SBF2: variants seen among roughly 807,000 people sequenced by gnomAD.
The protein encoded by SBF2 is SET binding factor 2, also known as myotubularin-related protein 13.
SBF2 carries 112 observed loss-of-function variants against 225.2 expected under a neutral mutation model. That is an observed-to-expected ratio of 0.50 (90% CI 0.43 to 0.58). The LOEUF is 0.58. Among genes scored for constraint, SBF2 ranks in the 20% least tolerant of loss-of-function variants. SBF2 has a pLI of 0.00. For synonymous variants in SBF2, 763 were observed against 773.3 expected (o/e 0.99, Z 0.22); for missense variants, 1,996 against 2,206.2 (o/e 0.90, Z 1.91).
intron 1 of SBF2, among the ~76,000 whole-genome samples, chr11:10,213,032 A>G (rs1209158193): frequency 6.6e-6 from 1 of 150,378 alleles, no homozygotes; most frequent in Non-Finnish European, 1.5e-5. Flanking sequence ...TTGGCGACAG[A>G]GCAAGACTCT....
At chr11:9,970,797 T>C (rs1867281273) in intron 13 of SBF2, among the ~76,000 whole-genome samples, 1 of 152,178 alleles carries the variant, frequency 6.6e-6, no homozygotes, top group Non-Finnish European at 1.5e-5. Flanking sequence ...CCAAAGCAGC[T>C]CTCATACATG....
At chr11:9,790,843 G>A (rs2133862083) in intron 33 of SBF2, 160 bp from the exon 34 acceptor site, 1 of 573,650 alleles carries the variant, frequency 1.7e-6, no homozygotes, top group African/African-American at 1.9e-5. Flanking sequence ...CAAAGCTAAA[G>A]ACCGGAATGA....
intron 16 of SBF2, among the ~76,000 whole-genome samples, chr11:9,921,064 CTTTTTTTTTT>C (rs34959264): frequency 5.8e-5 from 5 of 85,896 alleles, no homozygotes; most frequent in African/African-American, 1.9e-4. Flanking sequence ...CTGAAAACTT[CTTTTTTTTTT>C]TTTTTTTTTT....
intron 2 of SBF2, among the ~76,000 whole-genome samples, chr11:10,154,471 A>G (rs1046153831): frequency 6.6e-6 from 1 of 152,088 alleles, no homozygotes; most frequent in East Asian, 1.9e-4. Flanking sequence ...AATTTCAGTT[A>G]TCATACTTTT....
intron 17 of SBF2, among the ~76,000 whole-genome samples, chr11:9,870,484 A>T (rs1193313054): frequency 6.6e-6 from 1 of 152,248 alleles, no homozygotes; most frequent in Non-Finnish European, 1.5e-5. Flanking sequence ...CCCAAACAGC[A>T]TGGTATTGGT....
intron 18 of SBF2, among the ~76,000 whole-genome samples, chr11:9,857,937 T>C (rs1186708836): frequency 6.6e-6 from 1 of 152,226 alleles, no homozygotes; most frequent in Non-Finnish European, 1.5e-5. Flanking sequence ...GTATGCCTGT[T>C]ATTTTAGGTT....
At chr11:9,834,340 C>T (rs1278768035) in intron 26 of SBF2, among the ~76,000 whole-genome samples, 1 of 152,270 alleles carries the variant, frequency 6.6e-6, no homozygotes, top group Non-Finnish European at 1.5e-5. Flanking sequence ...GATCTGCCCG[C>T]CTCGGCCTCC....
At chr11:9,905,525 C>G in intron 16 of SBF2, among the ~76,000 whole-genome samples, 1 of 152,168 alleles carries the variant, frequency 6.6e-6, no homozygotes, top group Non-Finnish European at 1.5e-5. Flanking sequence ...ACTCAGGAAT[C>G]TCTTTATCCC....
intron 2 of SBF2, among the ~76,000 whole-genome samples, chr11:10,147,265 A>T (rs73412887): frequency 0.011 from 1,688 of 152,234 alleles, 38 homozygotes; most frequent in African/African-American, 0.038. Flanking sequence ...AGACACATGC[A>T]CCCATATGTT....
intron 13 of SBF2, among the ~76,000 whole-genome samples, chr11:9,989,055 T>TGCACATATAC (rs1947309483): frequency 7.0e-6 from 1 of 142,630 alleles, no homozygotes; most frequent in Non-Finnish European, 1.6e-5. Context: ...TATATATATA[T>TGCACATATAC]ACATATGCAT....
chr11:10,153,979 G>A (rs1955347723), intron 2 of SBF2, among the ~76,000 whole-genome samples: 1 of 151,942 alleles, frequency 6.6e-6, no homozygotes, highest in Non-Finnish European at 1.5e-5. Flanking sequence ...GTCCATATAT[G>A]TATGGGTCTA....
At chr11:10,032,024 G>A (rs1949280682) in intron 3 of SBF2, among the ~76,000 whole-genome samples, 1 of 152,140 alleles carries the variant, frequency 6.6e-6, no homozygotes, top group Non-Finnish European at 1.5e-5. Flanking sequence ...ATAGGTGTGA[G>A]CCATCATGCT....
At position 9,808,987 on chromosome 11, in the gene SBF2, G is replaced by C. The variant is rs748224039; in HGVS notation, c.4171C>G (p.Gln1391Glu). Residue 1391 changes from glutamine (Q) to glutamate (E), a missense_variant, in exon 31 of 40, where the codon CAG (glutamine) becomes GAG (glutamate). Transcript: ENST00000256190. ...EWFPQLHRIM[Q>E]LAVVVSEVLE... ...ACTTCTGATACAACCACAGCCAGCT[G>C]CATTATCCTGTGAAGCTAAGAGACA... The C allele has an allele frequency of 1.4e-5, 23 of 1,613,610 alleles. No homozygotes were observed. In the South Asian group the frequency reaches 2.2e-4, roughly 15 times the overall value.
At chr11:10,061,225 G>A (rs572716516) in intron 2 of SBF2, among the ~76,000 whole-genome samples, 2 of 152,180 alleles carry the variant, frequency 1.3e-5, no homozygotes, top group African/African-American at 2.4e-5. Context: ...AGCCATCTAT[G>A]ACAAACTCAC....
chr11:10,173,925 C>T (rs1433314141), intron 2 of SBF2, among the ~76,000 whole-genome samples: 3 of 151,796 alleles, frequency 2.0e-5, no homozygotes, highest in African/African-American at 4.8e-5. Context: ...GGGCCGGGTA[C>T]TCCAACAGAC....
At chr11:10,182,305 A>T (rs1956766764) in intron 2 of SBF2, among the ~76,000 whole-genome samples, 1 of 152,174 alleles carries the variant, frequency 6.6e-6, no homozygotes, top group Non-Finnish European at 1.5e-5. Context: ...ACCTACAGGA[A>T]TGACCTAGAG....
At chr11:10,065,569 G>A (rs758897617) in intron 2 of SBF2, among the ~76,000 whole-genome samples, 12 of 152,072 alleles carry the variant, frequency 7.9e-5, no homozygotes, top group South Asian at 4.1e-4. Flanking sequence ...AATTTCTATA[G>A]CTATTAAAAG....
chr11:9,877,828 G>A (rs1859396459), intron 17 of SBF2, among the ~76,000 whole-genome samples: 1 of 152,118 alleles, frequency 6.6e-6, no homozygotes, highest in South Asian at 2.1e-4. Flanking sequence ...TCAAGTCTTT[G>A]CTATTGTGTA....
intron 28 of SBF2, chr11:9,828,183 TA>T (rs1185159153): frequency 7.8e-7 from 1 of 1,289,626 alleles, no homozygotes; most frequent in Non-Finnish European, 1.0e-6. Context: ...ACTACCTGCT[TA>T]AGCACAGTGG....
Sources: gnomAD v4.1 joint callset for allele counts (sites outside exome capture counted in the v4.1 genomes callset) on GRCh38, gnomAD v4.1.1 for gene constraint, MANE v1.5 for transcripts, NCBI Gene and HGNC (gene_info 2026-07-23, HGNC 2026-07-21) for gene names.